The following PHF10 variants were observed in gnomAD, a reference collection of about 807,000 sequenced individuals.
PHF10 encodes PHD finger protein 10.
PHF10 carries 51 observed loss-of-function variants against 68.5 expected under a neutral mutation model. The observed-to-expected ratio is 0.74, with a 90% confidence interval of 0.59 to 0.94. The LOEUF (loss-of-function observed/expected upper bound fraction) is 0.94, where lower values mean the gene tolerates loss of function less well. PHF10 is among the 40% of genes least tolerant of loss of function. The pLI is 0.00. For synonymous variants in PHF10, 204 were observed against 203.5 expected, an observed-to-expected ratio of 1.00 and a Z score of -0.02; for missense variants, 460 against 602.6, an observed-to-expected ratio of 0.76 and a Z score of 2.48.
chr6:169,722,197 A>C (rs1296188316), intron 1 of PHF10, among the ~76,000 whole-genome samples: 1 of 152,236 alleles, frequency 6.6e-6, no homozygotes, highest in Non-Finnish European at 1.5e-5. Context: ...AAAGTCTCAA[A>C]TGTCTCTAGC....
In PHF10 at chr6:169,719,071, G is replaced by C. The variant is rs193238444; in HGVS notation, c.195-153C>G. 8.3e-4 allele frequency: 455 copies of C among 547,290 alleles called. 1 individual carries two copies. Among genetic ancestry groups the C allele is most frequent in the African/African-American group, 7.4e-3 (389 of 52,416 alleles). The allele number at this position is 547,290 out of a possible 1,614,324, so 33.9% of individuals were successfully genotyped here. On this transcript the variant is annotated intron_variant, in intron 2 of 11. Coordinates refer to ENST00000339209, the MANE Select transcript of PHF10 (RefSeq NM_018288.4). Reference sequence around the variant, plus strand: ...TGTATCAAAGAAAATTACAAAACAGGTACAAGGAATAGAAATAATTATCTG... The same window carrying C: ...TGTATCAAAGAAAATTACAAAACAGCTACAAGGAATAGAAATAATTATCTG...
At position 169,705,229 on chromosome 6, in the gene PHF10, A is replaced by G; in HGVS notation, c.1315T>C (p.Cys439Arg). 1 of 1,613,552 alleles carries G rather than the reference A, an allele frequency of 6.2e-7. No homozygotes were observed. The change falls in exon 11 of 12, where the codon TGT (cysteine) becomes CGT (arginine). Residue 439 changes from cysteine to arginine, a missense_variant. Around this residue, in one of 3 missense-constraint regions of PHF10, gnomAD observed 111 missense variants for 109.7 expected, o/e 1.01. Transcript: ENST00000339209. ...TCTTCTTCATGGTGGGGTTGTCCAC[A>G]TATAATGCATGTTTTACATTCCATA... ...QCMECKTCIICGQPHHEEEMM... is the reference protein window; with the variant it reads ...QCMECKTCIIRGQPHHEEEMM...
intron 2 of PHF10, among the ~76,000 whole-genome samples, chr6:169,720,444 A>G (rs1360252468): frequency 2.0e-5 from 3 of 152,220 alleles, no homozygotes; most frequent in African/African-American, 7.2e-5. Flanking sequence ...CAGTATATAC[A>G]TAAAATGGAG....
rs200706452 is a variant in PHF10, at chr6:169,715,562, C to CA, written c.693+145dup. The CA allele has an allele frequency of 1.8e-3, 1,425 of 781,350 alleles. 13 individuals are homozygous for CA. The African/African-American group carries it at 0.019, about 11-fold the overall frequency. The allele number at this position is 781,350 out of a possible 1,614,324, so 48.4% of individuals were successfully genotyped here. A position where few individuals can be genotyped will look rare whatever the true frequency, so the allele number is the denominator to read the frequency against. On this transcript the variant is annotated intron_variant, in intron 6 of 11. Transcript: ENST00000339209. ...ATCCTGGGCTACACAGACTCTGCCA[C>CA]AAAAAACAAAACAAAACAAACAAAC...
intron 1 of PHF10, among the ~76,000 whole-genome samples, chr6:169,721,776 A>C (rs183962005): frequency 1.6e-4 from 24 of 152,342 alleles, no homozygotes; most frequent in Admixed American, 1.2e-3. Flanking sequence ...AAAGTATCAG[A>C]TGTTAGGAAA....
At chr6:169,718,722 G>A (rs993012085) in intron 3 of PHF10, 66 bp downstream of exon 3, 3 of 927,420 alleles carry the variant, frequency 3.2e-6, no homozygotes, top group East Asian at 2.6e-5. Context: ...GAAAAATTCA[G>A]AAGTTGACAG....
chr6:169,722,204 T>C (rs1318575242), intron 1 of PHF10, among the ~76,000 whole-genome samples: 1 of 152,266 alleles, frequency 6.6e-6, no homozygotes, highest in Non-Finnish European at 1.5e-5. Context: ...CAAATGTCTC[T>C]AGCTCCTAGG....
At chr6:169,707,589 A>G (rs1305768078) in intron 9 of PHF10, 2 of 152,222 alleles carry the variant, frequency 1.3e-5, no homozygotes, top group Non-Finnish European at 2.9e-5. Flanking sequence ...ATTAAATTCT[A>G]AAAACAGAAC....
chr6:169,715,751 T>G lies in PHF10; in HGVS notation c.650A>C (p.Glu217Ala), dbSNP rs2128330460. 6.2e-7 allele frequency: 1 copy of G among 1,612,942 alleles called. No homozygotes were observed. Among genetic ancestry groups the G allele is most frequent in the South Asian group, 1.1e-5 (1 of 91,036 alleles). ...ATAAGCTCTTCTTTCTTCCATGCGTTCCCGGTTTAAGTTGCTATTAAATTC... is the reference window on the plus strand; with the variant it reads ...ATAAGCTCTTCTTTCTTCCATGCGTGCCCGGTTTAAGTTGCTATTAAATTC... ...AAEFNSNLNR[E>A]RMEERRAYFD... Residue 217 changes from glutamate (E) to alanine (A), a missense_variant, in exon 6 of 12, where the codon GAA becomes GCA. Coordinates refer to ENST00000339209, the MANE Select transcript of PHF10 (RefSeq NM_018288.4).
Position 169,712,399 on chromosome 6 carries a change from T to C in PHF10, c.944A>G (p.Asn315Ser), listed in dbSNP as rs1788944488. ...AAATGTTCTCACCGAAGTGCCTTTA[T>C]TTTTCCGTTTCTCATCACCTCGACC... Reference protein sequence around the residue: ...EDGRGDEKRKNKGTSDSSSGN... With the variant: ...EDGRGDEKRKSKGTSDSSSGN... The change falls in exon 8 of 12, where the codon AAT (asparagine) becomes AGT (serine). Residue 315 changes from asparagine to serine, a missense_variant. Physicochemically the swap from Asn to Ser is conservative, Grantham distance 46 (BLOSUM62 1). This residue lies in a region of PHF10 where 256 missense variants were observed against 410.5 expected (regional missense o/e 0.62). Transcript: ENST00000339209. 1 of 1,613,988 alleles carries C rather than the reference T, an allele frequency of 6.2e-7. No homozygotes were observed. The highest frequency in any genetic ancestry group is 1.1e-5 in the South Asian group (1 of 91,066).
intron 8 of PHF10, among the ~76,000 whole-genome samples, chr6:169,711,056 A>G (rs1012211817): frequency 1.3e-5 from 2 of 152,212 alleles, no homozygotes; most frequent in Non-Finnish European, 2.9e-5. Context: ...TTAAAAAATT[A>G]GGTTATCTAG....
At chr6:169,722,409 A>G (rs906758960) in intron 1 of PHF10, among the ~76,000 whole-genome samples, 1 of 152,130 alleles carries the variant, frequency 6.6e-6, no homozygotes, top group East Asian at 1.9e-4. Flanking sequence ...TATTTTTTCT[A>G]TTTTACTGGT....
At chr6:169,718,622 C>A (rs1158322016) in intron 3 of PHF10, among the ~76,000 whole-genome samples, 166 bp downstream of exon 3, 1 of 152,142 alleles carries the variant, frequency 6.6e-6, no homozygotes, top group African/African-American at 2.4e-5. Flanking sequence ...GAGCTATAAT[C>A]GCACCAGTGC....
intron 4 of PHF10, among the ~76,000 whole-genome samples, chr6:169,717,495 G>A (rs1178500386): frequency 1.3e-5 from 2 of 152,124 alleles, no homozygotes; most frequent in African/African-American, 4.8e-5. Flanking sequence ...ATAAAGTGTT[G>A]AATATGTCAT....
chr6:169,715,073 C>T (rs1186250354), intron 6 of PHF10, among the ~76,000 whole-genome samples: 1 of 152,168 alleles, frequency 6.6e-6, no homozygotes, highest in East Asian at 1.9e-4. Context: ...TTGCTCACTA[C>T]TTAACAGCAG....
chr6:169,714,896 T>C, intron 6 of PHF10, 54 bp from the exon 7 acceptor site: 1 of 954,596 alleles, frequency 1.0e-6, no homozygotes. Context: ...GAATCAAGGC[T>C]TTAGGAAGAG....
At chr6:169,706,453 T>G (rs919406643) in intron 9 of PHF10, among the ~76,000 whole-genome samples, 3 of 152,126 alleles carry the variant, frequency 2.0e-5, no homozygotes, top group African/African-American at 7.2e-5. Flanking sequence ...ACGAACACTC[T>G]GAGTACTACT....
intron 1 of PHF10, among the ~76,000 whole-genome samples, chr6:169,721,471 C>A (rs934597866): frequency 6.6e-6 from 1 of 152,130 alleles, no homozygotes; most frequent in Non-Finnish European, 1.5e-5. Flanking sequence ...CAACTTGAAG[C>A]CGGTTCATAG....
At chr6:169,707,491 C>CT (rs1788829121) in intron 9 of PHF10, 1 of 152,162 alleles carries the variant, frequency 6.6e-6, no homozygotes, top group South Asian at 2.1e-4. Flanking sequence ...AAAAGATATA[C>CT]TTATTTAATA....
Sources: allele counts gnomAD v4.1 joint callset (sites outside exome capture counted in the v4.1 genomes callset), GRCh38; gene constraint gnomAD v4.1.1; regional missense constraint gnomAD v4.1.1; transcripts MANE v1.5; gene names NCBI Gene and HGNC (gene_info 2026-07-23, HGNC 2026-07-21).